The following CPSF7 variants were observed in gnomAD, a reference collection of about 807,000 sequenced individuals.
The protein encoded by CPSF7 is cleavage and polyadenylation specific factor 7.
CPSF7 carries 1 observed loss-of-function variant against 44.3 expected under a neutral mutation model. The ratio of observed to expected loss-of-function variants is 0.02; its 90% CI spans 0.01 to 0.11. The LOEUF (loss-of-function observed/expected upper bound fraction) is 0.11. CPSF7 is among the 10% of genes least tolerant of loss of function. The pLI is 1.00. For synonymous variants in CPSF7, 202 were observed against 222.0 expected, an observed-to-expected ratio of 0.91 and a Z score of 0.80; for missense variants, 443 against 607.2, an observed-to-expected ratio of 0.73 and a Z score of 2.84.
In CPSF7 at chr11:61,403,625, A is replaced by C. The variant is rs1183026319; in HGVS notation, c.*1085T>G. Reference sequence around the variant, plus strand: ...ACCAAATTTGTGACTTTACCTGCCTACTAGTGCCAGGTTATCCCACAATAA... The same window carrying C: ...ACCAAATTTGTGACTTTACCTGCCTCCTAGTGCCAGGTTATCCCACAATAA... On this transcript the variant is annotated 3_prime_UTR_variant, in exon 10 of 10. Transcript: ENST00000439958. 1 of 152,156 alleles carries C rather than the reference A, an allele frequency of 6.6e-6. No individual in the cohort carries two copies. The highest frequency in any genetic ancestry group is 1.5e-5 in the Non-Finnish European group (1 of 68,028). 9.4% of individuals were successfully genotyped at this position (152,156 alleles called of 1,614,324 possible).
chr11:61,426,945 T>G (rs904735447), intron 2 of CPSF7: 1 of 148,524 alleles, frequency 6.7e-6, no homozygotes, highest in Non-Finnish European at 1.5e-5. Flanking sequence ...GGAGAATCAT[T>G]TGAACCTGGG....
intron 5 of CPSF7, 79 bp from the exon 6 acceptor site, chr11:61,416,598 T>C (rs1860363489): frequency 1.4e-6 from 2 of 1,413,906 alleles, no homozygotes; most frequent in Admixed American, 3.5e-5. Context: ...TCAGAAGTTA[T>C]CAGACACCCT....
At chr11:61,429,548 G>C (rs982823653) in intron 1 of CPSF7, 3 of 589,990 alleles carry the variant, frequency 5.1e-6, no homozygotes, top group Non-Finnish European at 8.5e-6. Context: ...CGACGGAAAA[G>C]TCCCACCCTC....
chr11:61,425,317 C>T (rs1030160435), intron 2 of CPSF7, among the ~76,000 whole-genome samples: 1 of 152,068 alleles, frequency 6.6e-6, no homozygotes, highest in East Asian at 1.9e-4. Context: ...TTTTTCTCAG[C>T]GGATTTATGC....
intron 7 of CPSF7, among the ~76,000 whole-genome samples, chr11:61,412,473 T>C (rs1859942854): frequency 6.6e-6 from 1 of 152,138 alleles, no homozygotes. Flanking sequence ...GTATTATTAA[T>C]AGAGACGGAG....
At chr11:61,429,013 T>A in intron 2 of CPSF7, 169 bp downstream of exon 2, 1 of 479,456 alleles carries the variant, frequency 2.1e-6, no homozygotes, top group Non-Finnish European at 3.8e-6. Context: ...CAAATTAACA[T>A]AAAGAGGAAT....
intron 9 of CPSF7, among the ~76,000 whole-genome samples, chr11:61,409,894 C>A (rs1162683550): frequency 6.6e-6 from 1 of 151,940 alleles, no homozygotes; most frequent in East Asian, 1.9e-4. Context: ...AGCTTGAACC[C>A]GGGAAGTGGG....
At chr11:61,411,327 A>G (rs905140358) in intron 8 of CPSF7, among the ~76,000 whole-genome samples, 1 of 152,206 alleles carries the variant, frequency 6.6e-6, no homozygotes, top group Non-Finnish European at 1.5e-5. Context: ...TGTAGTGCTA[A>G]TAATTTTGTA....
At chr11:61,419,802 A>G in intron 5 of CPSF7, 147 bp downstream of exon 5, 1 of 935,498 alleles carries the variant, frequency 1.1e-6, no homozygotes, top group Non-Finnish European at 1.6e-6. Context: ...CTTGTCGACC[A>G]TGACACCACT....
In CPSF7 at chr11:61,416,233, T is replaced by A. The variant is rs1309609162; in HGVS notation, c.810A>T (p.Val270=). 6.6e-7 allele frequency: 1 copy of A among 1,525,968 alleles called. No individual in the cohort carries two copies. The highest frequency in any genetic ancestry group is 1.4e-5 in the African/African-American group (1 of 70,726). 94.5% of individuals were successfully genotyped at this position (1,525,968 alleles called of 1,614,324 possible). ...CAGGTGGGATGGCCCCAGGGGGAGG[T>A]ACAGCAAGATGAGGAGGTAATCGAG... is the stretch of plus-strand genomic sequence containing the variant. The part of the protein sequence containing the change: ...PPPRLPPHLA[V]PPPGAIPPAL... Residue 270 remains valine (V), a synonymous_variant, in exon 6 of 10, where the codon GTA becomes GTT. Transcript: ENST00000439958.
intron 7 of CPSF7, among the ~76,000 whole-genome samples, chr11:61,412,701 A>G (rs1859963333): frequency 6.6e-6 from 1 of 152,216 alleles, no homozygotes; most frequent in African/African-American, 2.4e-5. Flanking sequence ...CAGGAGGTAA[A>G]CCTGTATGTA....
Position 61,411,899 on chromosome 11 carries a change from T to G in CPSF7, c.1096A>C (p.Ile366Leu), listed in dbSNP as rs1859885231. 1 of 1,614,190 alleles carries G rather than the reference T, an allele frequency of 6.2e-7. No homozygotes were observed. Among genetic ancestry groups the G allele is most frequent in the Admixed American group, 1.7e-5 (1 of 60,016 alleles). Residue 366 changes from isoleucine to leucine, a missense_variant, in exon 8 of 10, where the codon ATT (isoleucine) becomes CTT (leucine). Ile to Leu is a conservative substitution (Grantham distance 5). Coordinates refer to ENST00000439958, the MANE Select transcript of CPSF7 (RefSeq NM_001142565.3). ...SDAIETLLTA[I>L]AVIKQSRVAN... ...ACCCGGGACTGTTTGATAACCGCAA[T>G]GGCTGTGAGCAGCGTCTCAATTGCG...
At chr11:61,419,427 G>A (rs1860652303) in intron 5 of CPSF7, among the ~76,000 whole-genome samples, 1 of 152,170 alleles carries the variant, frequency 6.6e-6, no homozygotes, top group Admixed American at 6.5e-5. Context: ...TATTGTTCAA[G>A]TCTTATTCTC....
chr11:61,411,086 C>G lies in CPSF7; in HGVS notation c.1246G>C (p.Glu416Gln). Residue 416 changes from glutamate (E) to glutamine (Q), a missense_variant, in exon 9 of 10, where the codon GAA (glutamate) becomes CAA (glutamine). Transcript: ENST00000439958. ...SSSRKRHRSR[E>Q]RSPSRSRESS... Reference sequence around the variant, plus strand: ...TCCCGGGACCGGCTAGGTGACCTTTCCCGGGAGCGATGTCTTTTCCTATTA... The same window carrying G: ...TCCCGGGACCGGCTAGGTGACCTTTGCCGGGAGCGATGTCTTTTCCTATTA... 6.2e-7 allele frequency: 1 copy of G among 1,610,734 alleles called. No individual in the cohort carries two copies. Among genetic ancestry groups the G allele is most frequent in the African/African-American group, 1.3e-5 (1 of 74,718 alleles).
At chr11:61,429,884 A>G in intron 1 of CPSF7, 30 bp downstream of exon 1, 1 of 1,525,942 alleles carries the variant, frequency 6.6e-7, no homozygotes, top group Non-Finnish European at 8.8e-7. Context: ...CTTCCGGCCC[A>G]ACCTGCCCCC....
chr11:61,419,729 C>T (rs1225253774), intron 5 of CPSF7, among the ~76,000 whole-genome samples: 2 of 152,156 alleles, frequency 1.3e-5, no homozygotes, highest in Non-Finnish European at 2.9e-5. Context: ...CAAACTACAA[C>T]CTGAACCTAC....
intron 9 of CPSF7, among the ~76,000 whole-genome samples, chr11:61,405,252 T>G (rs1859201947): frequency 6.6e-6 from 1 of 152,220 alleles, no homozygotes; most frequent in South Asian, 2.1e-4. Flanking sequence ...AGGAAACTCT[T>G]AAATCCTTCT....
chr11:61,425,462 A>T (rs1416869892), intron 2 of CPSF7, among the ~76,000 whole-genome samples: 1 of 152,236 alleles, frequency 6.6e-6, no homozygotes, highest in Admixed American at 6.5e-5. Flanking sequence ...TATCTCAAAG[A>T]ATTTTGTGTT....
chr11:61,429,653 C>G, intron 1 of CPSF7: 1 of 1,326,044 alleles, frequency 7.5e-7, no homozygotes, highest in Non-Finnish European at 1.0e-6. Context: ...CAAGGCGGCT[C>G]CGGCCAGAGC....
Sources: allele counts gnomAD v4.1 joint callset (sites outside exome capture counted in the v4.1 genomes callset), GRCh38; gene constraint gnomAD v4.1.1; transcripts MANE v1.5; gene names NCBI Gene and HGNC (gene_info 2026-07-23, HGNC 2026-07-21).